The following AOPEP variants were observed in gnomAD, a reference collection of about 807,000 sequenced individuals.
The protein encoded by AOPEP is aminopeptidase O.
Under a neutral mutation model 98.1 loss-of-function variants are expected in AOPEP, and 77 were observed. The ratio of observed to expected loss-of-function variants is 0.78; its 90% CI spans 0.65 to 0.95. The LOEUF is 0.95. Ranked by LOEUF, AOPEP falls within the 40% of genes least tolerant of loss-of-function variation. The pLI is 0.00. For missense variants in AOPEP, 1,024 were observed against 1,024.7 expected (o/e 1.00, Z 0.01); for synonymous variants, 346 against 365.3 (o/e 0.95, Z 0.60).
chr9:94,972,357 A>G lies in AOPEP; in HGVS notation c.1916+4556A>G, dbSNP rs973559387. On this transcript the variant is annotated intron_variant, in intron 10 of 16. Transcript: ENST00000375315. The surrounding 1 kb of genome is among the most constrained non-coding windows in gnomAD (Gnocchi z 4.2). ...CAGAAAGATGCTGTCAGGTAAAACT[A>G]AAAGGGCTCAGAAGAAAACCCAGAC... Among the ~76,000 whole-genome samples the G allele has an allele frequency of 6.6e-6, 1 of 152,164 alleles. No homozygotes were observed. The highest frequency in any genetic ancestry group is 1.5e-5 in the Non-Finnish European group (1 of 68,022).
In AOPEP at chr9:94,831,227, T is replaced by A. The variant is rs72746574; in HGVS notation, c.1364+30225T>A. On this transcript the variant is annotated intron_variant, in intron 5 of 16. Transcript: ENST00000375315. The stretch of plus-strand genomic sequence containing the variant: ...TTAACCCATCTTATGTTAATTTTTT[T>A]ATAAGATGTTAAGGAAGGGGTTCCA... Among the ~76,000 whole-genome samples, 803 of 152,342 alleles carry A rather than the reference T, an allele frequency of 5.3e-3. 12 individuals are homozygous for A. The highest frequency in any genetic ancestry group is 0.044 in the South Asian group (210 of 4,818).
At chr9:94,933,410 G>C (rs1357787799) in intron 7 of AOPEP, 3 of 985,294 alleles carry the variant, frequency 3.0e-6, no homozygotes, top group Non-Finnish European at 3.6e-6. Flanking sequence ...TTTTTTTCTG[G>C]ATTCATTGTT....
intron 13 of AOPEP, among the ~76,000 whole-genome samples, chr9:95,010,842 A>G (rs1361400594): frequency 6.6e-6 from 1 of 152,220 alleles, no homozygotes; most frequent in Non-Finnish European, 1.5e-5. Flanking sequence ...AATTTATTAA[A>G]AGTAATTACA....
chr9:94,933,217 A>G (rs996229190), intron 7 of AOPEP: 6 of 985,502 alleles, frequency 6.1e-6, no homozygotes, highest in Middle Eastern at 5.2e-4. Flanking sequence ...CCTGAGATGC[A>G]TGGCAGCTTC....
intron 9 of AOPEP, among the ~76,000 whole-genome samples, chr9:94,960,655 T>C (rs568693968): frequency 3.9e-5 from 6 of 152,318 alleles, no homozygotes; most frequent in Admixed American, 1.3e-4. Context: ...GCTGGCTGAA[T>C]TTCATTATCA....
chr9:95,126,327 A>G, the AOPEP span, among the ~76,000 whole-genome samples: 4 of 152,232 alleles, frequency 2.6e-5, no homozygotes, highest in Non-Finnish European at 5.9e-5. Flanking sequence ...AGTTATCTTA[A>G]TTCTTAGGCA....
the AOPEP span, among the ~76,000 whole-genome samples, chr9:95,111,965 C>T: frequency 3.3e-5 from 5 of 152,232 alleles, no homozygotes; most frequent in Admixed American, 6.5e-5. Flanking sequence ...CAGGATGTGG[C>T]GGCACACCTC....
At chr9:95,061,015 CTCT>C (rs1026253004) in intron 14 of AOPEP, 7 of 474,802 alleles carry the variant, frequency 1.5e-5, no homozygotes, top group African/African-American at 1.2e-4. Flanking sequence ...AAGTTTTTCC[CTCT>C]TCTTAAATCA....
intron 5 of AOPEP, among the ~76,000 whole-genome samples, chr9:94,894,082 C>A (rs954087905): frequency 6.6e-6 from 1 of 152,104 alleles, no homozygotes; most frequent in Admixed American, 6.5e-5. Context: ...ATCTAGAAAA[C>A]AATATATAGC....
chr9:95,056,751 C>A (rs1476125444), intron 13 of AOPEP, among the ~76,000 whole-genome samples: 4 of 152,162 alleles, frequency 2.6e-5, no homozygotes, highest in Non-Finnish European at 5.9e-5. Flanking sequence ...TTGTACAGTT[C>A]TTAGTATTTA....
chr9:95,003,352 A>G (rs1250938033), intron 11 of AOPEP, among the ~76,000 whole-genome samples: 1 of 152,174 alleles, frequency 6.6e-6, no homozygotes, highest in Non-Finnish European at 1.5e-5. Context: ...TTCTTCCAAG[A>G]CTGTATGTTG....
chr9:95,097,400 C>G, the AOPEP span, among the ~76,000 whole-genome samples: 1 of 152,236 alleles, frequency 6.6e-6, no homozygotes, highest in Non-Finnish European at 1.5e-5. Flanking sequence ...GATTTCCTAG[C>G]ATCCCTGGCA....
chr9:95,016,277 C>G (rs374181043), intron 13 of AOPEP, among the ~76,000 whole-genome samples: 1 of 117,900 alleles, frequency 8.5e-6, no homozygotes, highest in African/African-American at 3.2e-5. Flanking sequence ...AACGTATTCT[C>G]TATCGCCCAG....
intron 14 of AOPEP, among the ~76,000 whole-genome samples, chr9:95,077,895 G>T (rs1281514861): frequency 1.3e-5 from 2 of 152,208 alleles, no homozygotes; most frequent in African/African-American, 2.4e-5. Flanking sequence ...ACGAAGAAAA[G>T]TGAAGACTGC....
intron 1 of AOPEP, among the ~76,000 whole-genome samples, chr9:94,752,658 T>TAA (rs1836094442): frequency 6.6e-6 from 1 of 152,180 alleles, no homozygotes; most frequent in East Asian, 1.9e-4. Context: ...AAAGATAAAC[T>TAA]TAAGTAAAAA....
intron 3 of AOPEP, among the ~76,000 whole-genome samples, chr9:94,787,060 G>A (rs1468822104): frequency 6.6e-6 from 1 of 152,232 alleles, no homozygotes; most frequent in Non-Finnish European, 1.5e-5. Flanking sequence ...ATGAATTTGT[G>A]TGATATTTAA....
At chr9:94,943,905 G>T (rs955037929) in intron 7 of AOPEP, among the ~76,000 whole-genome samples, 1 of 117,630 alleles carries the variant, frequency 8.5e-6, no homozygotes, top group African/African-American at 3.2e-5. Flanking sequence ...GGGCAACAGA[G>T]TGAGACTCCA....
At chr9:95,119,981 G>A in the AOPEP span, among the ~76,000 whole-genome samples, 3 of 127,358 alleles carry the variant, frequency 2.4e-5, no homozygotes, top group Non-Finnish European at 5.0e-5. Flanking sequence ...CCAACGAGCT[G>A]GGATTACAGG....
At chr9:95,051,724 G>A (rs1173834799) in intron 13 of AOPEP, among the ~76,000 whole-genome samples, 3 of 146,628 alleles carry the variant, frequency 2.0e-5, no homozygotes, top group Non-Finnish European at 4.5e-5. Flanking sequence ...TTTTTTTTGA[G>A]ACGGAGTCTC....
Sources: gnomAD v4.1 joint callset for allele counts (sites outside exome capture counted in the v4.1 genomes callset) on GRCh38, gnomAD v4.1.1 for gene constraint, Gnocchi (gnomAD v3.1) non-coding constraint, MANE v1.5 for transcripts, NCBI Gene and HGNC (gene_info 2026-07-23, HGNC 2026-07-21) for gene names.